The following CAMK1D variants were observed in gnomAD, a reference collection of about 807,000 sequenced individuals.
CAMK1D encodes the protein calcium/calmodulin-dependent protein kinase type 1D.
In CAMK1D, 9 loss-of-function variants were observed where a neutral mutation model predicts 47.7. That is an observed-to-expected ratio of 0.19 (90% CI 0.11 to 0.33). The LOEUF (loss-of-function observed/expected upper bound fraction) is 0.33, where lower values mean the gene tolerates loss of function less well. Among genes scored for constraint, CAMK1D ranks in the 10% least tolerant of loss-of-function variants. The pLI is 1.00. For synonymous variants in CAMK1D, 184 were observed against 184.9 expected, an observed-to-expected ratio of 0.99 and a Z score of 0.04; for missense variants, 291 against 488.7, an observed-to-expected ratio of 0.60 and a Z score of 3.81.
intron 3 of CAMK1D, among the ~76,000 whole-genome samples, chr10:12,672,894 G>A (rs1427218701): frequency 2.2e-5 from 2 of 90,964 alleles, no homozygotes; most frequent in Non-Finnish European, 4.2e-5. Flanking sequence ...GAATAGGCTT[G>A]CCTTTTTTTT....
At chr10:12,391,865 CT>C (rs1337508497) in intron 1 of CAMK1D, among the ~76,000 whole-genome samples, 1 of 152,138 alleles carries the variant, frequency 6.6e-6, no homozygotes, top group African/African-American at 2.4e-5. Context: ...GGGATAGTTA[CT>C]GTCATTAACA....
rs141728787 is a variant in CAMK1D, at chr10:12,355,807, G to A, written c.92+5897G>A. Among the ~76,000 whole-genome samples, 552 of 152,224 alleles carry A rather than the reference G, an allele frequency of 3.6e-3. 1 individual carries two copies. The highest frequency in any genetic ancestry group is 5.8e-3 in the Non-Finnish European group (394 of 68,024). On this transcript the variant is annotated intron_variant, in intron 1 of 10. Coordinates refer to ENST00000619168, the MANE Select transcript of CAMK1D (RefSeq NM_153498.4). Reference sequence around the variant, plus strand: ...GCTATATTCTAGGCACCGAGGAGACGGCAGTGAGCAGACGAGAATGCCTGC... The same window carrying A: ...GCTATATTCTAGGCACCGAGGAGACAGCAGTGAGCAGACGAGAATGCCTGC...
intron 2 of CAMK1D, among the ~76,000 whole-genome samples, chr10:12,664,879 G>A (rs1840379819): frequency 6.6e-6 from 1 of 152,148 alleles, no homozygotes; most frequent in Non-Finnish European, 1.5e-5. Flanking sequence ...ACTCTCAAAT[G>A]AGCTGGACTA....
intron 1 of CAMK1D, among the ~76,000 whole-genome samples, chr10:12,434,106 G>A (rs180791640): frequency 2.3e-4 from 35 of 152,278 alleles, no homozygotes; most frequent in Admixed American, 5.2e-4. Flanking sequence ...GAGTTGCTGG[G>A]ACTGCAGGAG....
intron 2 of CAMK1D, among the ~76,000 whole-genome samples, chr10:12,566,878 C>G (rs1588639915): frequency 6.6e-6 from 1 of 152,190 alleles, no homozygotes; most frequent in African/African-American, 2.4e-5. Flanking sequence ...ATTAGATGCG[C>G]TGTTCTTTCT....
At chr10:12,355,492 GTA>G (rs1020185569) in intron 1 of CAMK1D, among the ~76,000 whole-genome samples, 6 of 145,478 alleles carry the variant, frequency 4.1e-5, no homozygotes, top group African/African-American at 1.3e-4. Flanking sequence ...GCGTGCGTGT[GTA>G]TGTGTGTGTG....
chr10:12,797,208 T>G (rs570048796), intron 6 of CAMK1D, among the ~76,000 whole-genome samples: 119 of 151,344 alleles, frequency 7.9e-4, no homozygotes, highest in Admixed American at 3.1e-3. Context: ...TTTTTTTTTT[T>G]TTTGTTTAGA....
intron 1 of CAMK1D, among the ~76,000 whole-genome samples, chr10:12,417,300 AGGAG>A (rs1839887215): frequency 6.6e-6 from 1 of 152,064 alleles, no homozygotes; most frequent in African/African-American, 2.4e-5. Context: ...GACAAAGAAC[AGGAG>A]AACTACACTG....
intron 1 of CAMK1D, among the ~76,000 whole-genome samples, chr10:12,443,983 T>C (rs1419883426): frequency 1.3e-5 from 2 of 152,180 alleles, no homozygotes; most frequent in South Asian, 4.1e-4. Flanking sequence ...AAGGGACAGA[T>C]TATTCATGCC....
At position 12,827,843 on chromosome 10, in the gene CAMK1D, C is replaced by T. The variant is rs868721353; in HGVS notation, c.1040-926C>T. 7.6e-4 allele frequency among the ~76,000 whole-genome samples: 115 copies of T among 152,136 alleles called. 1 individual carries two copies. The Middle Eastern group carries it at 0.017, about 22-fold the overall frequency. ...AGCTGGGACAACAGGCATGTACCACCGTGCGCAGCTAATTTTTGTATTTTT... is the reference window on the plus strand; with the variant it reads ...AGCTGGGACAACAGGCATGTACCACTGTGCGCAGCTAATTTTTGTATTTTT... On this transcript the variant is annotated intron_variant, in intron 10 of 10. Coordinates refer to ENST00000619168, the MANE Select transcript of CAMK1D (RefSeq NM_153498.4).
chr10:12,596,887 AGGTGT>A (rs1470455908), intron 2 of CAMK1D, among the ~76,000 whole-genome samples: 1 of 151,244 alleles, frequency 6.6e-6, no homozygotes, highest in Admixed American at 6.6e-5. Context: ...TGGTTTTTTT[AGGTGT>A]CTTTATTAAC....
intron 1 of CAMK1D, among the ~76,000 whole-genome samples, chr10:12,356,115 G>T (rs924975662): frequency 6.6e-5 from 10 of 151,288 alleles, no homozygotes; most frequent in African/African-American, 2.4e-4. Flanking sequence ...CTGGGCGACA[G>T]AGTGAGACTC....
chr10:12,453,700 C>G (rs765104443), intron 1 of CAMK1D, among the ~76,000 whole-genome samples: 1 of 152,104 alleles, frequency 6.6e-6, no homozygotes, highest in Non-Finnish European at 1.5e-5. Context: ...TTTTGGCAAC[C>G]ACAACACACT....
In CAMK1D at chr10:12,769,523, A is replaced by G. The variant is rs564888807; in HGVS notation, c.439-150A>G. 8.7e-5 allele frequency: 65 copies of G among 750,430 alleles called. No homozygotes were observed. In the African/African-American group the frequency reaches 8.8e-4, roughly 10 times the overall value. The allele number at this position is 750,430 out of a possible 1,614,324, so 46.5% of individuals were successfully genotyped here. On this transcript the variant is annotated intron_variant, in intron 4 of 10. Transcript: ENST00000619168. Reference sequence around the variant, plus strand: ...GTGCCGGGCGCTCTGCACTGTTTCTATTGGCCGCCGCTTTAGTTGATGCAT... The same window carrying G: ...GTGCCGGGCGCTCTGCACTGTTTCTGTTGGCCGCCGCTTTAGTTGATGCAT...
chr10:12,686,586 A>T lies in CAMK1D; in HGVS notation c.299+19776A>T, dbSNP rs532627575. ...TGATCCACCCACCTCGGCCTCCCAA[A>T]GTGCTGGGATTACAGGCATTAGCCA... On this transcript the variant is annotated intron_variant, in intron 3 of 10. Coordinates refer to ENST00000619168, the MANE Select transcript of CAMK1D (RefSeq NM_153498.4). 6.6e-5 allele frequency among the ~76,000 whole-genome samples: 10 copies of T among 152,182 alleles called. 1 individual carries two copies. Among genetic ancestry groups the T allele is most frequent in the African/African-American group, 2.4e-4 (10 of 41,536 alleles).
At chr10:12,417,017 A>G (rs1429215071) in intron 1 of CAMK1D, among the ~76,000 whole-genome samples, 1 of 152,014 alleles carries the variant, frequency 6.6e-6, no homozygotes, top group Non-Finnish European at 1.5e-5. Flanking sequence ...ATCCCAGTTT[A>G]ATGGTGGGAC....
intron 1 of CAMK1D, among the ~76,000 whole-genome samples, chr10:12,534,679 T>G (rs535924244): frequency 2.0e-5 from 3 of 152,284 alleles, no homozygotes; most frequent in Admixed American, 2.0e-4. Context: ...CCTCCACATT[T>G]TAATAGCTTA....
Position 12,828,865 on chromosome 10 carries a change from C to A in CAMK1D, c.1136C>A (p.Ala379Glu). ...ERRPRPTTVT[A>E]VHSGSK ...AGACCCAGGCCCACCACTGTGACGG[C>A]AGTGCACTCTGGAAGCAAGTGACTG... is the stretch of plus-strand genomic sequence containing the variant. Residue 379 changes from alanine to glutamate, a missense_variant, in exon 11 of 11, where the codon GCA becomes GAA. Around this residue, in one of 2 missense-constraint regions of CAMK1D, gnomAD observed 72 missense variants for 64.4 expected, o/e 1.12. Transcript: ENST00000619168. The A allele has an allele frequency of 6.2e-7, 1 of 1,612,884 alleles. No homozygotes were observed. The highest frequency in any genetic ancestry group is 8.5e-7 in the Non-Finnish European group (1 of 1,179,642).
intron 3 of CAMK1D, among the ~76,000 whole-genome samples, chr10:12,734,786 C>G (rs920656897): frequency 6.6e-6 from 1 of 152,018 alleles, no homozygotes; most frequent in Non-Finnish European, 1.5e-5. Context: ...TTTGCTTTCT[C>G]TTTCTTTGTT....
Sources: gnomAD v4.1 joint callset for allele counts (sites outside exome capture counted in the v4.1 genomes callset) on GRCh38, gnomAD v4.1.1 for gene constraint, gnomAD v4.1.1 regional missense constraint, MANE v1.5 for transcripts, NCBI Gene and HGNC (gene_info 2026-07-23, HGNC 2026-07-21) for gene names.